The following METTL3 variants were observed in gnomAD, a reference collection of about 807,000 sequenced individuals.
METTL3 encodes the protein methyltransferase 3, N6-adenosine-methyltransferase complex catalytic subunit.
In METTL3, 42 loss-of-function variants were observed where a neutral mutation model predicts 64.3. The observed-to-expected ratio is 0.65, with a 90% CI of 0.51 to 0.84. The LOEUF is 0.84. Among genes scored for constraint, METTL3 ranks in the 40% least tolerant of loss-of-function variants. METTL3 has a pLI of 0.00. For missense variants in METTL3, 435 were observed against 722.3 expected (o/e 0.60, Z 4.56); for synonymous variants, 256 against 263.6 (o/e 0.97, Z 0.28).
At chr14:21,500,732 A>G (rs1248998425) in intron 5 of METTL3, 50 bp from the exon 6 acceptor site, 2 of 1,560,272 alleles carry the variant, frequency 1.3e-6, no homozygotes, top group African/African-American at 1.4e-5. Flanking sequence ...TCTGAGATTC[A>G]TGGCCCGAGT....
At chr14:21,501,671 T>G (rs1891570909) in intron 4 of METTL3, 57 bp downstream of exon 4, 7 of 1,609,706 alleles carry the variant, frequency 4.3e-6, no homozygotes, top group Non-Finnish European at 6.0e-6. Flanking sequence ...AGGAATATGC[T>G]GAAAAGGAAT....
chr14:21,508,679 G>A (rs1891756527), intron 1 of METTL3, among the ~76,000 whole-genome samples: 1 of 152,158 alleles, frequency 6.6e-6, no homozygotes, highest in Admixed American at 6.5e-5. Context: ...CAGATCAGCA[G>A]AGGTTGGGAG....
Position 21,503,573 on chromosome 14 carries a change from T to C in METTL3, c.323A>G (p.Asp108Gly), listed in dbSNP as rs775417471. Residue 108 changes from aspartate to glycine, a missense_variant, in exon 3 of 11, where the codon GAT becomes GGT. Physicochemically the swap from Asp to Gly is moderately conservative, Grantham distance 94. This residue lies in a region of METTL3 where 228 missense variants were observed against 279.6 expected (regional missense o/e 0.82). Transcript: ENST00000298717. ...TACCCCATCTTGAGTGGCAGGAGCA[T>C]CTGGCTAGAGAACGAGGGGAGGTAT... ...VSICLAISTP[D>G]APATQDGVES... 1.9e-6 allele frequency: 3 copies of C among 1,613,022 alleles called. No homozygotes were observed. The highest frequency in any genetic ancestry group is 1.1e-5 in the South Asian group (1 of 91,054).
At chr14:21,510,100 C>T (rs1301248826) in intron 1 of METTL3, among the ~76,000 whole-genome samples, 1 of 152,186 alleles carries the variant, frequency 6.6e-6, no homozygotes, top group Non-Finnish European at 1.5e-5. Flanking sequence ...CATTTGGTTT[C>T]GTACATATAT....
In METTL3 at chr14:21,501,084, A is replaced by G; in HGVS notation, c.945T>C (p.Ser315=). ...KHTDESLGDC[S]FLNTCFHMDT... is the part of the protein sequence containing the mutation. ...CCATGTGGAAACATGTATTAAGGAA[A>G]GAGCAGTCACCTAAAGACTCATCAG... The change falls in exon 5 of 11, where the codon TCT becomes TCC. Residue 315 remains serine (S), a synonymous_variant. Transcript: ENST00000298717. 6.8e-6 allele frequency: 11 copies of G among 1,614,142 alleles called. No homozygotes were observed. The highest frequency in any genetic ancestry group is 8.5e-6 in the Non-Finnish European group (10 of 1,180,024).
intron 6 of METTL3, among the ~76,000 whole-genome samples, chr14:21,500,154 T>TA (rs1319389257): frequency 6.6e-6 from 1 of 152,066 alleles, no homozygotes; most frequent in Admixed American, 6.6e-5. Context: ...GGTCAGGAGA[T>TA]AGAGACCATC....
intron 1 of METTL3, among the ~76,000 whole-genome samples, chr14:21,508,846 ATCGCGCCATTGCAC>A (rs1263172246): frequency 6.6e-6 from 1 of 152,242 alleles, no homozygotes; most frequent in Non-Finnish European, 1.5e-5. Flanking sequence ...GTGAGCCAAG[ATCGCGCCATTGCAC>A]TCTGGCCTGG....
Position 21,501,712 on chromosome 14 carries a change from T to C in METTL3, c.899+16A>G. The stretch of plus-strand genomic sequence containing the variant: ...CTTCTGACAAACCCATCCCACCTCA[T>C]TCCCTTCCAAGAGACCTGAAGTGCA... On this transcript the variant is annotated intron_variant, in intron 4 of 10. Transcript: ENST00000298717. The C allele has an allele frequency of 1.2e-6, 2 of 1,614,136 alleles. No homozygotes were observed. Among genetic ancestry groups the C allele is most frequent in the Non-Finnish European group, 1.7e-6 (2 of 1,179,974 alleles).
chr14:21,506,090 C>T (rs891844106), intron 1 of METTL3, among the ~76,000 whole-genome samples: 5 of 151,718 alleles, frequency 3.3e-5, no homozygotes, highest in South Asian at 2.1e-4. Flanking sequence ...GCTCTGTTGC[C>T]AAGGCCAAAA....
intron 10 of METTL3, 123 bp from the exon 11 acceptor site, chr14:21,498,492 G>C (rs1000723956): frequency 3.4e-6 from 3 of 875,162 alleles, no homozygotes; most frequent in African/African-American, 3.4e-5. Flanking sequence ...ATTCTAAAAA[G>C]AGCTTAACAT....
rs1232523951 is a variant in METTL3 at position 21,511,315 on chromosome 14, G to A, written c.-92C>T. ...CCAGGATATAGCCAATTCTCACGCGGACACCCCGAAGGCTAACCGGAAAAT... is the reference window on the plus strand; with the variant it reads ...CCAGGATATAGCCAATTCTCACGCGAACACCCCGAAGGCTAACCGGAAAAT... On this transcript the variant is annotated 5_prime_UTR_variant, in exon 1 of 11. Transcript: ENST00000298717. 3 of 1,501,230 alleles carry A rather than the reference G, an allele frequency of 2.0e-6. No individual in the cohort carries two copies. Among genetic ancestry groups the A allele is most frequent in the Non-Finnish European group, 2.7e-6 (3 of 1,120,420 alleles). The allele number at this position is 1,501,230 out of a possible 1,614,324, so 93.0% of individuals were successfully genotyped here. A position where few individuals can be genotyped will look rare whatever the true frequency, so the allele number is the denominator to read the frequency against.
At chr14:21,501,256 A>G (rs534286385) in intron 4 of METTL3, 127 bp from the exon 5 acceptor site, 2 of 708,990 alleles carry the variant, frequency 2.8e-6, no homozygotes, top group Admixed American at 2.8e-5. Flanking sequence ...GCTTCCTTCA[A>G]GAGTTTTAAG....
rs1891830867 is a variant in METTL3, at chr14:21,511,252, A to G, written c.-29T>C. 1.3e-5 allele frequency: 21 copies of G among 1,606,254 alleles called. No individual in the cohort carries two copies. The highest frequency in any genetic ancestry group is 1.5e-5 in the Non-Finnish European group (18 of 1,176,610). ...AGTCTCCCAGCCCTGACACCTCTCG[A>G]ATAAGGCGCGGCGGACTAGCACCTC... is the stretch of plus-strand genomic sequence containing the variant. On this transcript the variant is annotated 5_prime_UTR_variant, in exon 1 of 11. Transcript: ENST00000298717.
intron 1 of METTL3, among the ~76,000 whole-genome samples, chr14:21,510,179 C>T (rs964042248): frequency 1.3e-5 from 2 of 152,178 alleles, no homozygotes; most frequent in Non-Finnish European, 2.9e-5. Flanking sequence ...TTCTTGAGGA[C>T]AGGGGCAATT....
chr14:21,498,431 TA>T, intron 10 of METTL3, 62 bp from the exon 11 acceptor site: 1 of 1,503,026 alleles, frequency 6.7e-7, no homozygotes, highest in Non-Finnish European at 9.2e-7. Context: ...TTAATATTGT[TA>T]AAAAATGCAT....
At chr14:21,507,335 CG>C (rs1420277832) in intron 1 of METTL3, among the ~76,000 whole-genome samples, 1 of 152,014 alleles carries the variant, frequency 6.6e-6, no homozygotes, top group Non-Finnish European at 1.5e-5. Context: ...GTTCAGTAGT[CG>C]GTAATTATCA....
At chr14:21,504,168 A>T (rs1243716791) in intron 1 of METTL3, 1 of 374,344 alleles carries the variant, frequency 2.7e-6, no homozygotes, top group Non-Finnish European at 5.0e-6. Flanking sequence ...AGCATGATAG[A>T]TTTAAATATC....
Position 21,501,134 on chromosome 14 carries a change from G to A in METTL3, c.900-5C>T, listed in dbSNP as rs1891559036. On this transcript the variant is annotated splice_region_variant and splice_polypyrimidine_tract_variant and intron_variant, in intron 4 of 10. Coordinates refer to ENST00000298717, the MANE Select transcript of METTL3 (RefSeq NM_019852.5). ...GTGTGTTTATTGATAATTCGTCTGG[G>A]AAAATAAAAAGGGAGAATCAAGATG... 1 of 1,604,866 alleles carries A rather than the reference G, an allele frequency of 6.2e-7. No homozygotes were observed.
At position 21,499,748 on chromosome 14, in the gene METTL3, C is replaced by T. The variant is rs1467458025; in HGVS notation, c.1343+16G>A. ...CAGTATTACCCTCAAAAGAAAGCAA[C>T]ACAACCACTACTTACCCCCAGAGGT... On this transcript the variant is annotated intron_variant, in intron 7 of 10. Transcript: ENST00000298717. The T allele has an allele frequency of 6.2e-7, 1 of 1,611,816 alleles. No homozygotes were observed. Among genetic ancestry groups the T allele is most frequent in the Non-Finnish European group, 8.5e-7 (1 of 1,178,122 alleles).
Sources: gnomAD v4.1 joint callset for allele counts (sites outside exome capture counted in the v4.1 genomes callset) on GRCh38, gnomAD v4.1.1 for gene constraint, gnomAD v4.1.1 regional missense constraint, MANE v1.5 for transcripts, NCBI Gene and HGNC (gene_info 2026-07-23, HGNC 2026-07-21) for gene names.